VAC14: variants seen among roughly 807,000 people sequenced by gnomAD.
VAC14 encodes VAC14 component of PIKFYVE complex, also known as protein VAC14 homolog.
In VAC14, 47 loss-of-function variants were observed where a neutral mutation model predicts 85.3. That is an observed-to-expected ratio of 0.55 (90% CI 0.44 to 0.70). The LOEUF (loss-of-function observed/expected upper bound fraction) is 0.70, where lower values mean the gene tolerates loss of function less well. VAC14 is among the 30% of genes least tolerant of loss of function. The pLI is 0.00. For missense variants in VAC14, 861 were observed against 1,004.3 expected (o/e 0.86, Z 1.93); for synonymous variants, 447 against 430.5 (o/e 1.04, Z -0.47).
Position 70,698,618 on chromosome 16 carries a change from A to G in VAC14, c.1836+19T>C. On this transcript the variant is annotated intron_variant, in intron 15 of 18. Coordinates refer to ENST00000261776, the MANE Select transcript of VAC14 (RefSeq NM_018052.5). ...GCATGCAGGAGACGCCTGAGGATGGAGTCCCGGACGCAGCCTACCAGGGTC... is the reference window on the plus strand; with the variant it reads ...GCATGCAGGAGACGCCTGAGGATGGGGTCCCGGACGCAGCCTACCAGGGTC... 1 of 1,612,928 alleles carries G rather than the reference A, an allele frequency of 6.2e-7. No individual in the cohort carries two copies. Among genetic ancestry groups the G allele is most frequent in the Non-Finnish European group, 8.5e-7 (1 of 1,179,076 alleles).
intron 10 of VAC14, among the ~76,000 whole-genome samples, chr16:70,764,299 G>C (rs1451306054): frequency 1.3e-5 from 2 of 152,344 alleles, no homozygotes; most frequent in Non-Finnish European, 1.5e-5. Flanking sequence ...GGAGCTCCGG[G>C]CATGTGATAC....
At chr16:70,710,726 C>T (rs557776338) in intron 14 of VAC14, among the ~76,000 whole-genome samples, 1 of 152,278 alleles carries the variant, frequency 6.6e-6, no homozygotes, top group Non-Finnish European at 1.5e-5. Flanking sequence ...GCAGGGCCCA[C>T]ACTCGGCCCC....
In VAC14 at chr16:70,751,243, A is replaced by G. The variant is rs79373336; in HGVS notation, c.1372-6664T>C. 1.2e-3 allele frequency among the ~76,000 whole-genome samples: 189 copies of G among 152,322 alleles called. 4 individuals carry two copies. In the East Asian group the frequency reaches 0.036, roughly 29 times the overall value. Reference sequence around the variant, plus strand: ...AGGGAACCCTTCTTGTGTTGACAGGAAATCCCCAAGCTGGGCCCTCTCCAG... The same window carrying G: ...AGGGAACCCTTCTTGTGTTGACAGGGAATCCCCAAGCTGGGCCCTCTCCAG... On this transcript the variant is annotated intron_variant, in intron 12 of 18. Transcript: ENST00000261776.
chr16:70,800,715 G>T, intron 1 of VAC14, 82 bp downstream of exon 1: 3 of 1,255,720 alleles, frequency 2.4e-6, no homozygotes, highest in South Asian at 1.2e-5. Context: ...AGTAACCCTG[G>T]CTGGGAAGGC....
At chr16:70,721,161 G>A (rs553331525) in intron 14 of VAC14, among the ~76,000 whole-genome samples, 3 of 152,198 alleles carry the variant, frequency 2.0e-5, no homozygotes, top group African/African-American at 4.8e-5. Flanking sequence ...AGAGTATGCC[G>A]GCTACAGACC....
intron 1 of VAC14, among the ~76,000 whole-genome samples, chr16:70,798,078 T>C (rs570012682): frequency 2.0e-5 from 3 of 152,190 alleles, no homozygotes; most frequent in Admixed American, 1.3e-4. Flanking sequence ...ATGCATATTA[T>C]TATTATGCTC....
intron 18 of VAC14, chr16:70,688,956 C>A: frequency 1.0e-6 from 1 of 985,490 alleles, no homozygotes. Context: ...TGTTTCCAGG[C>A]CCTGAGGCCT....
intron 12 of VAC14, among the ~76,000 whole-genome samples, chr16:70,754,341 G>A (rs2031651436): frequency 6.6e-6 from 1 of 152,182 alleles, no homozygotes; most frequent in African/African-American, 2.4e-5. Context: ...GCAACGATTT[G>A]CCGCCAAGCC....
Position 70,762,446 on chromosome 16 carries a change from GATGCACT to G in VAC14, c.1371+87_1371+93del. 1 of 1,247,072 alleles carries G rather than the reference GATGCACT, an allele frequency of 8.0e-7. No individual in the cohort carries two copies. The highest frequency in any genetic ancestry group is 1.2e-6 in the Non-Finnish European group (1 of 863,254). 77.3% of individuals were successfully genotyped at this position (1,247,072 alleles called of 1,614,324 possible). A position where few individuals can be genotyped will look rare whatever the true frequency, so the allele number is the denominator to read the frequency against. On this transcript the variant is annotated intron_variant, in intron 12 of 18. Coordinates refer to ENST00000261776, the MANE Select transcript of VAC14 (RefSeq NM_018052.5). The surrounding 1 kb of genome is among the most constrained non-coding windows in gnomAD (Gnocchi z 4.1). Reference sequence around the variant, plus strand: ...TAAACACAGCTTTACCTCTAGGAAGGATGCACTGTACCAAAATAAGCATATCTCAGTC... The same window carrying G: ...TAAACACAGCTTTACCTCTAGGAAGGGTACCAAAATAAGCATATCTCAGTC...
intron 14 of VAC14, chr16:70,713,855 T>A (rs1047615763): frequency 6.6e-6 from 1 of 152,232 alleles, no homozygotes; most frequent in Non-Finnish European, 1.5e-5. Context: ...TGGGCATATA[T>A]TTGATTGCTA....
At chr16:70,779,327 T>C (rs1268124195) in intron 9 of VAC14, among the ~76,000 whole-genome samples, 3 of 152,254 alleles carry the variant, frequency 2.0e-5, no homozygotes, top group Non-Finnish European at 2.9e-5. Flanking sequence ...TGCTCAGCAA[T>C]TCTTTTGGCT....
chr16:70,689,012 TAAGCA>T (rs1421160933), intron 18 of VAC14: 1 of 985,074 alleles, frequency 1.0e-6, no homozygotes, highest in East Asian at 1.1e-4. Context: ...GCTGCTCAGC[TAAGCA>T]GAGAGTCTTG....
intron 5 of VAC14, 108 bp from the exon 6 acceptor site, chr16:70,783,662 T>C (rs1162837150): frequency 1.8e-6 from 2 of 1,101,030 alleles, no homozygotes; most frequent in African/African-American, 3.1e-5. Context: ...TGAGACAGCA[T>C]TTCCCTGCAG....
intron 12 of VAC14, among the ~76,000 whole-genome samples, chr16:70,745,394 T>G (rs1365731710): frequency 6.6e-6 from 1 of 152,088 alleles, no homozygotes; most frequent in African/African-American, 2.4e-5. Context: ...CACCAAGAGC[T>G]GGCAGGGCGG....
intron 12 of VAC14, among the ~76,000 whole-genome samples, chr16:70,754,718 C>T (rs1324165403): frequency 1.3e-5 from 2 of 152,136 alleles, no homozygotes; most frequent in Admixed American, 1.3e-4. Flanking sequence ...TGGGCACCGA[C>T]ACGGCACCCC....
intron 14 of VAC14, among the ~76,000 whole-genome samples, chr16:70,727,207 C>T (rs1381750195): frequency 6.6e-6 from 1 of 152,222 alleles, no homozygotes; most frequent in Admixed American, 6.5e-5. Context: ...ATCTTGGAGG[C>T]TGAGAAGAAC....
chr16:70,751,995 A>G (rs532859598), intron 12 of VAC14, among the ~76,000 whole-genome samples: 3 of 152,342 alleles, frequency 2.0e-5, no homozygotes, highest in South Asian at 2.1e-4. Flanking sequence ...AAGGAGCACT[A>G]CTTAGGCCTA....
intron 14 of VAC14, among the ~76,000 whole-genome samples, chr16:70,706,297 G>A (rs1433216926): frequency 1.3e-5 from 2 of 152,236 alleles, no homozygotes; most frequent in African/African-American, 4.8e-5. Context: ...TGCTGATTCT[G>A]AGGACAGTGT....
intron 1 of VAC14, among the ~76,000 whole-genome samples, chr16:70,795,067 T>C (rs2034486813): frequency 6.6e-6 from 1 of 152,228 alleles, no homozygotes; most frequent in Non-Finnish European, 1.5e-5. Context: ...GACAATAGGC[T>C]CTACCATATA....
Sources: gnomAD v4.1 joint callset for allele counts (sites outside exome capture counted in the v4.1 genomes callset) on GRCh38, gnomAD v4.1.1 for gene constraint, Gnocchi (gnomAD v3.1) non-coding constraint, MANE v1.5 for transcripts, NCBI Gene and HGNC (gene_info 2026-07-23, HGNC 2026-07-21) for gene names.